GALNT12: variants seen among roughly 807,000 people sequenced by gnomAD.
GALNT12 encodes polypeptide N-acetylgalactosaminyltransferase 12.
Under a neutral mutation model 55.5 loss-of-function variants are expected in GALNT12, and 45 were observed. The ratio of observed to expected loss-of-function variants is 0.81; its 90% confidence interval spans 0.64 to 1.04. GALNT12 has a LOEUF of 1.04. Among genes scored for constraint, GALNT12 ranks in the 50% least tolerant of loss-of-function variants. GALNT12 has a pLI of 0.00. For missense variants in GALNT12, 709 were observed against 754.8 expected (o/e 0.94, Z 0.71); for synonymous variants, 304 against 312.2 (o/e 0.97, Z 0.28).
At chr9:98,837,563 C>A (rs186952055) in intron 6 of GALNT12, among the ~76,000 whole-genome samples, 4 of 152,268 alleles carry the variant, frequency 2.6e-5, no homozygotes, top group Non-Finnish European at 5.9e-5. Flanking sequence ...TAACTCATGC[C>A]AGAATGAAGC....
chr9:98,843,836 G>C (rs896714745), intron 7 of GALNT12, among the ~76,000 whole-genome samples: 2 of 152,240 alleles, frequency 1.3e-5, no homozygotes, highest in African/African-American at 4.8e-5. Context: ...GAAAGAAAGA[G>C]AGAGGAGCTT....
chr9:98,820,487 C>A (rs1227772028), intron 1 of GALNT12, among the ~76,000 whole-genome samples: 1 of 152,206 alleles, frequency 6.6e-6, no homozygotes, highest in Non-Finnish European at 1.5e-5. Flanking sequence ...TTTTCTTTAT[C>A]CAGTCTATCA....
intron 3 of GALNT12, among the ~76,000 whole-genome samples, chr9:98,830,373 A>T (rs1835964135): frequency 6.6e-6 from 1 of 152,334 alleles, no homozygotes; most frequent in Admixed American, 6.5e-5. Context: ...TTTGTGTATC[A>T]GGGAGGCCAA....
intron 8 of GALNT12, among the ~76,000 whole-genome samples, chr9:98,845,490 G>A (rs1836389320): frequency 6.6e-6 from 1 of 152,168 alleles, no homozygotes; most frequent in Admixed American, 6.5e-5. Flanking sequence ...TGTCCGGGAA[G>A]AACCAAGTCT....
chr9:98,845,214 C>A (rs1431277349), intron 8 of GALNT12, among the ~76,000 whole-genome samples: 1 of 152,124 alleles, frequency 6.6e-6, no homozygotes, highest in African/African-American at 2.4e-5. Flanking sequence ...TACCGAATCC[C>A]AGACTCTTGT....
intron 3 of GALNT12, among the ~76,000 whole-genome samples, chr9:98,830,393 A>G (rs1835964827): frequency 6.6e-6 from 1 of 152,246 alleles, no homozygotes; most frequent in Non-Finnish European, 1.5e-5. Flanking sequence ...AGTATCCTGC[A>G]GATCAGCCCT....
At chr9:98,822,442 AGGGAG>A (rs1290494169) in intron 1 of GALNT12, among the ~76,000 whole-genome samples, 117 of 152,306 alleles carry the variant, frequency 7.7e-4, no homozygotes, top group African/African-American at 2.8e-3. Flanking sequence ...CTAAACAAAG[AGGGAG>A]CTTATTGGTT....
At position 98,849,836 on chromosome 9, in the gene GALNT12, T is replaced by G; in HGVS notation, c.*744T>G. On this transcript the variant is annotated 3_prime_UTR_variant, in exon 10 of 10. Transcript: ENST00000375011. The stretch of plus-strand genomic sequence containing the variant: ...ACTATGACTTTAAAACATGTTTATA[T>G]CATTTTTAATTTTTATGATACGGTA... The G allele has an allele frequency of 2.8e-6, 1 of 357,306 alleles. No homozygotes were observed. The highest frequency in any genetic ancestry group is 5.0e-6 in the Non-Finnish European group (1 of 201,798). The allele number at this position is 357,306 out of a possible 1,614,324, so 22.1% of individuals were successfully genotyped here.
rs753534837 is a variant in GALNT12, at chr9:98,840,066, A to G, written c.1277A>G (p.Lys426Arg). 3.2e-5 allele frequency: 52 copies of G among 1,614,100 alleles called. No homozygotes were observed. Among genetic ancestry groups the G allele is most frequent in the Non-Finnish European group, 3.9e-5 (46 of 1,180,048 alleles). ...LRDKLQCKDF[K>R]WFLETVYPEL... ...GACAAGCTCCAGTGTAAAGACTTCA[A>G]GTGGTTCTTGGAGACTGTGTATCCA... The change falls in exon 7 of 10, where the codon AAG becomes AGG. Residue 426 changes from lysine (K) to arginine (R), a missense_variant. Physicochemically the swap from Lys to Arg is conservative, Grantham distance 26. This residue lies in a region of GALNT12 where 262 missense variants were observed against 310.7 expected (regional missense o/e 0.84). Coordinates refer to ENST00000375011, the MANE Select transcript of GALNT12 (RefSeq NM_024642.5).
chr9:98,820,553 G>A (rs1189588347), intron 1 of GALNT12, among the ~76,000 whole-genome samples: 2 of 152,230 alleles, frequency 1.3e-5, no homozygotes, highest in Non-Finnish European at 2.9e-5. Context: ...GTACAGCAAT[G>A]AACATGCGCG....
chr9:98,836,593 C>T (rs1008713466), intron 5 of GALNT12, among the ~76,000 whole-genome samples: 5 of 152,176 alleles, frequency 3.3e-5, no homozygotes, highest in African/African-American at 9.7e-5. Flanking sequence ...CCCTTCCAAA[C>T]CTCTTTTCTT....
At chr9:98,812,370 C>A (rs1186723782) in intron 1 of GALNT12, among the ~76,000 whole-genome samples, 2 of 151,702 alleles carry the variant, frequency 1.3e-5, no homozygotes, top group Non-Finnish European at 2.9e-5. Context: ...GTGGGTGGAT[C>A]ACTTGAGGTC....
At chr9:98,819,143 A>G (rs1835679777) in intron 1 of GALNT12, among the ~76,000 whole-genome samples, 1 of 152,208 alleles carries the variant, frequency 6.6e-6, no homozygotes, top group African/African-American at 2.4e-5. Flanking sequence ...TCAATGTTTT[A>G]TGATGTAGTC....
chr9:98,812,242 A>G (rs1051160484), intron 1 of GALNT12, among the ~76,000 whole-genome samples: 10 of 151,898 alleles, frequency 6.6e-5, no homozygotes, highest in African/African-American at 2.4e-4. Flanking sequence ...TTCTGTGTCC[A>G]TATGTTTTTG....
At position 98,850,020 on chromosome 9, in the gene GALNT12, C is replaced by A. The variant is rs1333018418; in HGVS notation, c.*928C>A. On this transcript the variant is annotated 3_prime_UTR_variant, in exon 10 of 10. Coordinates refer to ENST00000375011, the MANE Select transcript of GALNT12 (RefSeq NM_024642.5). ...GATTTGTGAATGATCCCAGACCAAC[C>A]CTGAGATTTTGTCAACCTGATTAAG... The A allele has an allele frequency of 1.5e-5, 3 of 199,474 alleles. No homozygotes were observed. Among genetic ancestry groups the A allele is most frequent in the Non-Finnish European group, 3.1e-5 (3 of 96,794 alleles). The allele number at this position is 199,474 out of a possible 1,614,324, so 12.4% of individuals were successfully genotyped here. A position where few individuals can be genotyped will look rare whatever the true frequency, so the allele number is the denominator to read the frequency against.
chr9:98,825,105 C>T lies in GALNT12; in HGVS notation c.542-1647C>T, dbSNP rs375123581. ...TGAATGAGATGAGGAGGGTAATGTG[C>T]TGGGTAGGTGCTTGGCATTTAGTGA... is the stretch of plus-strand genomic sequence containing the variant. On this transcript the variant is annotated intron_variant, in intron 2 of 9. Transcript: ENST00000375011. 2.1e-3 allele frequency among the ~76,000 whole-genome samples: 315 copies of T among 152,142 alleles called. 7 individuals carry two copies. The highest frequency in any genetic ancestry group is 5.9e-4 in the Non-Finnish European group (40 of 68,026).
At chr9:98,845,868 T>G (rs1588459401) in intron 8 of GALNT12, 109 bp from the exon 9 acceptor site, 6 of 1,151,148 alleles carry the variant, frequency 5.2e-6, no homozygotes, top group Non-Finnish European at 2.6e-6. Context: ...GTGACGCAGG[T>G]GCATGACCCC....
At chr9:98,820,455 C>T (rs551065064) in intron 1 of GALNT12, among the ~76,000 whole-genome samples, 54 of 152,312 alleles carry the variant, frequency 3.5e-4, no homozygotes, top group African/African-American at 1.0e-3. Context: ...CATAGCATTC[C>T]GTGGTCTACA....
At chr9:98,815,925 C>A (rs1835600082) in intron 1 of GALNT12, among the ~76,000 whole-genome samples, 1 of 152,154 alleles carries the variant, frequency 6.6e-6, no homozygotes, top group Non-Finnish European at 1.5e-5. Flanking sequence ...TGACCATTCT[C>A]CTTTATCATT....
Sources: allele counts gnomAD v4.1 joint callset (sites outside exome capture counted in the v4.1 genomes callset), GRCh38; gene constraint gnomAD v4.1.1; regional missense constraint gnomAD v4.1.1; transcripts MANE v1.5; gene names NCBI Gene and HGNC (gene_info 2026-07-23, HGNC 2026-07-21).